Variants in MAPK10 observed in about 807,000 individuals in gnomAD.
The protein encoded by MAPK10 is mitogen-activated protein kinase 10, also known as JNK3 alpha protein kinase.
MAPK10 carries 25 observed loss-of-function variants against 59.3 expected under a neutral mutation model. The ratio of observed to expected loss-of-function variants is 0.42; its 90% CI spans 0.31 to 0.59. The LOEUF (loss-of-function observed/expected upper bound fraction) is 0.59. Among genes scored for constraint, MAPK10 ranks in the 20% least tolerant of loss-of-function variants. The probability of loss-of-function intolerance (pLI) is 0.15; values close to 1 mark genes in which losing one functional copy is unlikely to be tolerated. For synonymous variants in MAPK10, 190 were observed against 200.5 expected, an observed-to-expected ratio of 0.95 and a Z score of 0.44; for missense variants, 351 against 568.9, an observed-to-expected ratio of 0.62 and a Z score of 3.90.
upstream of MAPK10, among the ~76,000 whole-genome samples, chr4:86,360,972 C>T (rs551930509): frequency 6.6e-5 from 10 of 152,228 alleles, no homozygotes; most frequent in South Asian, 6.2e-4. Context: ...TCTCAAATTA[C>T]GTAATCTAAT....
chr4:86,251,808 C>G (rs1305035373), intron 2 of MAPK10, among the ~76,000 whole-genome samples: 5 of 138,554 alleles, frequency 3.6e-5, no homozygotes, highest in African/African-American at 9.3e-5. Context: ...TAAAAGTGTT[C>G]CTATTTCTCC....
At position 86,504,377 on chromosome 4, in the gene MAPK10, G is replaced by A. The variant is rs537271496; in HGVS notation, c.-263+89533C>T. Among the ~76,000 whole-genome samples the A allele has an allele frequency of 2.0e-5, 3 of 152,114 alleles. No individual in the cohort carries two copies. The South Asian group carries it at 6.2e-4, about 32-fold the overall frequency. On this transcript the variant is annotated intron_variant, in intron 1 of 4. Transcript: ENST00000502302. ...TGGGAAGTAGTAAAGTAACGTAAAG[G>A]GGTCTGTGAATCCACATCCTTCCGA...
intron 1 of MAPK10, among the ~76,000 whole-genome samples, chr4:86,407,083 T>G (rs1744455100): frequency 6.6e-6 from 1 of 152,088 alleles, no homozygotes; most frequent in Non-Finnish European, 1.5e-5. Context: ...GAACACACAT[T>G]CAGGTGCATC....
chr4:86,237,697 G>A (rs907162934), intron 2 of MAPK10, among the ~76,000 whole-genome samples: 1 of 151,434 alleles, frequency 6.6e-6, no homozygotes, highest in Non-Finnish European at 1.5e-5. Flanking sequence ...ACTTTTTGAT[G>A]GTTTTTTTAT....
intron 4 of MAPK10, among the ~76,000 whole-genome samples, chr4:86,144,555 T>G (rs1185444867): frequency 3.9e-5 from 6 of 152,192 alleles, no homozygotes; most frequent in African/African-American, 1.4e-4. Flanking sequence ...GGACTTTCTC[T>G]TTCTCCTGCC....
intron 11 of MAPK10, among the ~76,000 whole-genome samples, chr4:86,060,441 C>A (rs1019115928): frequency 2.0e-5 from 3 of 152,136 alleles, no homozygotes; most frequent in African/African-American, 7.2e-5. Context: ...TGTTCCTCTT[C>A]TTCTGTGCCC....
chr4:86,106,983 T>G (rs2056662229), intron 5 of MAPK10: 1 of 251,670 alleles, frequency 4.0e-6, no homozygotes, highest in South Asian at 1.5e-4. Context: ...GTAAATTTTC[T>G]AACTAGGGAA....
chr4:86,121,513 A>G (rs1425499625), intron 4 of MAPK10, among the ~76,000 whole-genome samples: 1 of 152,200 alleles, frequency 6.6e-6, no homozygotes, highest in African/African-American at 2.4e-5. Flanking sequence ...ACTCTGAATC[A>G]TAACTTTTCA....
intron 1 of MAPK10, among the ~76,000 whole-genome samples, chr4:86,555,520 T>C (rs1425137352): frequency 6.6e-6 from 1 of 152,230 alleles, no homozygotes; most frequent in South Asian, 2.1e-4. Context: ...TATGGTTGAA[T>C]AAATGCTTAT....
chr4:86,115,078 C>A (rs2058099736), intron 4 of MAPK10, among the ~76,000 whole-genome samples: 1 of 152,244 alleles, frequency 6.6e-6, no homozygotes, highest in Admixed American at 6.5e-5. Flanking sequence ...ACCCCTTCCC[C>A]AGGCACTCGG....
intron 9 of MAPK10, among the ~76,000 whole-genome samples, chr4:86,088,096 C>T (rs185248972): frequency 6.6e-6 from 1 of 152,222 alleles, no homozygotes; most frequent in Admixed American, 6.5e-5. Context: ...TAACAGGACC[C>T]ATGACACATC....
chr4:86,070,961 C>T lies in MAPK10; in HGVS notation c.803-3006G>A, dbSNP rs1451740010. Among the ~76,000 whole-genome samples the T allele has an allele frequency of 7.2e-5, 11 of 152,050 alleles. No homozygotes were observed. The East Asian group carries it at 9.7e-4, about 13-fold the overall frequency. The stretch of plus-strand genomic sequence containing the variant: ...TTCTAGTTCTAGATCCCTGAGGAAT[C>T]GCCACACTGACTTCCACAATGGTTG... On this transcript the variant is annotated intron_variant, in intron 9 of 13. Coordinates refer to ENST00000641462, the MANE Select transcript of MAPK10 (RefSeq NM_138982.4).
intron 1 of MAPK10, among the ~76,000 whole-genome samples, chr4:86,508,795 C>G (rs768717335): frequency 6.6e-6 from 1 of 152,122 alleles, no homozygotes; most frequent in Admixed American, 6.6e-5. Flanking sequence ...AACTTCCTGA[C>G]AGGATTTATA....
intron 2 of MAPK10, among the ~76,000 whole-genome samples, chr4:86,323,973 A>G (rs559276952): frequency 2.0e-5 from 3 of 152,332 alleles, no homozygotes; most frequent in Non-Finnish European, 2.9e-5. Context: ...TCTAAATAGT[A>G]TAATAAAACT....
At chr4:86,176,628 C>A in intron 3 of MAPK10, among the ~76,000 whole-genome samples, 2 of 143,458 alleles carry the variant, frequency 1.4e-5, no homozygotes, top group Non-Finnish European at 3.0e-5. Context: ...ACTATAATAA[C>A]TACTTAATAA....
intron 1 of MAPK10, among the ~76,000 whole-genome samples, chr4:86,547,166 T>TCACAG (rs1403452115): frequency 6.6e-6 from 1 of 152,248 alleles, no homozygotes. Context: ...CTGGCAGTTC[T>TCACAG]CACAGCCCTC....
intron 4 of MAPK10, chr4:86,107,610 C>A (rs2056775802): frequency 1.8e-6 from 2 of 1,086,898 alleles, no homozygotes; most frequent in South Asian, 8.3e-5. Context: ...TAGAAGAGGG[C>A]AAAGGAGAAG....
At chr4:86,295,219 ACCCCCTCGGGC>A (rs1287287439) in intron 2 of MAPK10, among the ~76,000 whole-genome samples, 1 of 152,032 alleles carries the variant, frequency 6.6e-6, no homozygotes, top group African/African-American at 2.4e-5. Flanking sequence ...TTGTTGTTTA[ACCCCCTCGGGC>A]CCCACGCCCT....
intron 1 of MAPK10, among the ~76,000 whole-genome samples, chr4:86,372,312 A>G (rs1410313881): frequency 1.3e-5 from 2 of 152,024 alleles, no homozygotes; most frequent in African/African-American, 2.4e-5. Flanking sequence ...AGGTCAGGAG[A>G]TCGAGACCAT....
Sources: gnomAD v4.1 joint callset for allele counts (sites outside exome capture counted in the v4.1 genomes callset) on GRCh38, gnomAD v4.1.1 for gene constraint, MANE v1.5 for transcripts, NCBI Gene and HGNC (gene_info 2026-07-23, HGNC 2026-07-21) for gene names.